The following MBTD1 variants were observed in gnomAD, a reference collection of about 807,000 sequenced individuals.
The protein encoded by MBTD1 is MBT domain-containing protein 1.
In MBTD1, 24 loss-of-function variants were observed where a neutral mutation model predicts 87.8. The observed-to-expected ratio is 0.27, with a 90% CI of 0.20 to 0.38. The LOEUF is 0.38. Among genes scored for constraint, MBTD1 ranks in the 10% least tolerant of loss-of-function variants. The pLI is 1.00. For missense variants in MBTD1, 436 were observed against 760.2 expected, an observed-to-expected ratio of 0.57 and a Z score of 5.02; for synonymous variants, 237 against 248.6, an observed-to-expected ratio of 0.95 and a Z score of 0.44.
chr17:51,211,612 T>G (rs1424205040), intron 6 of MBTD1, among the ~76,000 whole-genome samples: 75 of 152,146 alleles, frequency 4.9e-4, no homozygotes, highest in Non-Finnish European at 5.9e-5. Flanking sequence ...CTAACTGAGA[T>G]GGAGCACTAA....
At chr17:51,243,218 T>A (rs920395871) in intron 2 of MBTD1, among the ~76,000 whole-genome samples, 1 of 152,084 alleles carries the variant, frequency 6.6e-6, no homozygotes, top group East Asian at 1.9e-4. Context: ...GTGCTGGGAA[T>A]GTATTGCCAA....
chr17:51,228,565 C>T (rs933442793), intron 2 of MBTD1, among the ~76,000 whole-genome samples: 5 of 145,722 alleles, frequency 3.4e-5, no homozygotes, highest in African/African-American at 1.3e-4. Context: ...TAACTACAGG[C>T]TTTGTGAGAA....
chr17:51,215,536 G>C (rs2052517025), intron 6 of MBTD1, among the ~76,000 whole-genome samples: 3 of 152,184 alleles, frequency 2.0e-5, no homozygotes, highest in Admixed American at 2.0e-4. Flanking sequence ...TGAGATGAAA[G>C]AGTTACTGTA....
chr17:51,222,116 C>T (rs2052937105), intron 3 of MBTD1, among the ~76,000 whole-genome samples: 1 of 152,190 alleles, frequency 6.6e-6, no homozygotes, highest in Admixed American at 6.5e-5. Context: ...TTATACATGT[C>T]AAACTAGAAT....
At chr17:51,222,255 T>C (rs944531664) in intron 3 of MBTD1, among the ~76,000 whole-genome samples, 1 of 152,240 alleles carries the variant, frequency 6.6e-6, no homozygotes. Context: ...CCTTTTATGA[T>C]AGGATTACTA....
At chr17:51,192,120 TA>T in intron 16 of MBTD1, 82 bp downstream of exon 16, 1 of 982,638 alleles carries the variant, frequency 1.0e-6, no homozygotes, top group South Asian at 1.4e-5. Flanking sequence ...TCTCACAAGA[TA>T]TATCATTTTC....
At chr17:51,258,309 T>C (rs1338366690) in intron 2 of MBTD1, among the ~76,000 whole-genome samples, 1 of 152,178 alleles carries the variant, frequency 6.6e-6, no homozygotes, top group Non-Finnish European at 1.5e-5. Flanking sequence ...CCAATAAAAC[T>C]ACTTTTAGAG....
intron 2 of MBTD1, among the ~76,000 whole-genome samples, chr17:51,227,657 T>C (rs1485344323): frequency 6.6e-6 from 1 of 151,852 alleles, no homozygotes; most frequent in East Asian, 1.9e-4. Flanking sequence ...TAACAGAAAA[T>C]TTTGCCTTTC....
chr17:51,187,881 A>G (rs1177242134), intron 16 of MBTD1, among the ~76,000 whole-genome samples: 2 of 151,192 alleles, frequency 1.3e-5, no homozygotes, highest in Admixed American at 6.6e-5. Flanking sequence ...AAAAAAAAAA[A>G]GCAAAGGGAT....
chr17:51,202,247 G>C (rs2051533632), intron 10 of MBTD1, among the ~76,000 whole-genome samples, 170 bp from the exon 11 acceptor site: 1 of 152,182 alleles, frequency 6.6e-6, no homozygotes, highest in Admixed American at 6.5e-5. Flanking sequence ...TCTCTTCAGA[G>C]TACATGTGCA....
At chr17:51,201,998 A>G in intron 11 of MBTD1, 24 bp downstream of exon 11, 1 of 1,532,212 alleles carries the variant, frequency 6.5e-7, no homozygotes, top group Non-Finnish European at 9.0e-7. Context: ...TTTACAAATG[A>G]GGGTTCTTAT....
chr17:51,212,379 G>T (rs1253314163), intron 6 of MBTD1, among the ~76,000 whole-genome samples: 1 of 144,880 alleles, frequency 6.9e-6, no homozygotes, highest in African/African-American at 2.5e-5. Context: ...GAAAAGAAAA[G>T]AAAAGAAAAA....
intron 6 of MBTD1, 78 bp from the exon 7 acceptor site, chr17:51,207,083 A>C: frequency 1.4e-6 from 1 of 697,104 alleles, no homozygotes; most frequent in Non-Finnish European, 2.5e-6. Context: ...AAGCAGTACC[A>C]TCAATAATAG....
intron 2 of MBTD1, among the ~76,000 whole-genome samples, chr17:51,258,512 A>G (rs1481622473): frequency 9.2e-6 from 1 of 109,244 alleles, no homozygotes; most frequent in Non-Finnish European, 2.0e-5. Flanking sequence ...ACTTAAAAAA[A>G]AAAAAGAAGG....
intron 2 of MBTD1, among the ~76,000 whole-genome samples, chr17:51,228,365 C>T (rs963277585): frequency 6.6e-6 from 1 of 151,824 alleles, no homozygotes; most frequent in Non-Finnish European, 1.5e-5. Context: ...TGCACAAGTA[C>T]CCATGAACTT....
At chr17:51,238,029 T>A (rs1195743480) in intron 2 of MBTD1, among the ~76,000 whole-genome samples, 1 of 152,166 alleles carries the variant, frequency 6.6e-6, no homozygotes, top group African/African-American at 2.4e-5. Context: ...TGACTCTTTT[T>A]ACAAATGCAA....
rs1173752137 is a variant in MBTD1, at chr17:51,192,810, T to A, written c.1662A>T (p.Gly554=). 6 of 1,614,172 alleles carry A rather than the reference T, an allele frequency of 3.7e-6. No individual in the cohort carries two copies. Among genetic ancestry groups the A allele is most frequent in the Non-Finnish European group, 5.1e-6 (6 of 1,180,020 alleles). Residue 554 remains glycine, a synonymous_variant, in exon 15 of 17, where the codon GGA becomes GGT. Transcript: ENST00000586178. ...LYPVGWCQLT[G]YQLQPPASQS... ...GTGATGCTGGAGGCTGTAGTTGATA[T>A]CCAGTTAACTGACACCACCCTACAG...
At chr17:51,221,269 G>A (rs1353525560) in intron 3 of MBTD1, among the ~76,000 whole-genome samples, 4 of 152,148 alleles carry the variant, frequency 2.6e-5, no homozygotes, top group South Asian at 2.1e-4. Flanking sequence ...CTGCACTCTC[G>A]CCTGGACAAC....
Position 51,200,601 on chromosome 17 carries a change from T to C in MBTD1, c.1224+991A>G, listed in dbSNP as rs144931519. On this transcript the variant is annotated intron_variant, in intron 12 of 16. Coordinates refer to ENST00000586178, the MANE Select transcript of MBTD1 (RefSeq NM_017643.3). ...AAAAAATGCCACGTACGGTGGCTCATGCCTGTAATCCCAGCACTGTGGGAG... is the reference window on the plus strand; with the variant it reads ...AAAAAATGCCACGTACGGTGGCTCACGCCTGTAATCCCAGCACTGTGGGAG... Among the ~76,000 whole-genome samples the C allele has an allele frequency of 7.8e-3, 1,137 of 146,474 alleles. 17 individuals carry two copies. Among genetic ancestry groups the C allele is most frequent in the African/African-American group, 0.027 (1,077 of 39,368 alleles).
Sources: allele counts gnomAD v4.1 joint callset (sites outside exome capture counted in the v4.1 genomes callset), GRCh38; gene constraint gnomAD v4.1.1; transcripts MANE v1.5; gene names NCBI Gene and HGNC (gene_info 2026-07-23, HGNC 2026-07-21).